NEK10: variants seen among roughly 807,000 people sequenced by gnomAD.
The protein encoded by NEK10 is serine/threonine-protein kinase Nek10.
A neutral mutation model predicts 159.8 loss-of-function variants in NEK10; 122 were observed. That is an observed-to-expected ratio of 0.76 (90% CI 0.66 to 0.89). The LOEUF is 0.89. NEK10 is among the 40% of genes least tolerant of loss of function. The pLI is 0.00. For synonymous variants in NEK10, 466 were observed against 457.1 expected (o/e 1.02, Z -0.25); for missense variants, 1,342 against 1,323.1 (o/e 1.01, Z -0.22).
At chr3:27,317,959 C>T (rs563336105) in intron 6 of NEK10, among the ~76,000 whole-genome samples, 2 of 152,126 alleles carry the variant, frequency 1.3e-5, no homozygotes, top group South Asian at 2.1e-4. Flanking sequence ...CCCGCCACCA[C>T]GCCCGGCTAA....
At chr3:27,320,497 C>G (rs6783818) in intron 6 of NEK10, among the ~76,000 whole-genome samples, 23,363 of 152,186 alleles carry the variant, frequency 0.15, 2,030 homozygotes, top group Non-Finnish European at 0.2. Context: ...TAAGTGGGAA[C>G]AGTAAGCACA....
rs529380931 is a variant in NEK10 at position 27,219,409 on chromosome 3, G to A, written c.2091-16852C>T. Reference sequence around the variant, plus strand: ...CTGTGTGTGACAAATGGTGAGTCAAGTCCTCTTGCTTGAAGACTAGTTATC... The same window carrying A: ...CTGTGTGTGACAAATGGTGAGTCAAATCCTCTTGCTTGAAGACTAGTTATC... On this transcript the variant is annotated intron_variant, in intron 23 of 35. Coordinates refer to ENST00000691995, the MANE Select transcript of NEK10 (RefSeq NM_001394966.1). Among the ~76,000 whole-genome samples, 8 of 152,344 alleles carry A rather than the reference G, an allele frequency of 5.3e-5. No homozygotes were observed. In the South Asian group the frequency reaches 1.4e-3, roughly 28 times the overall value.
At chr3:27,243,661 A>T (rs1008873829) in intron 23 of NEK10, among the ~76,000 whole-genome samples, 2 of 152,174 alleles carry the variant, frequency 1.3e-5, no homozygotes, top group East Asian at 1.9e-4. Flanking sequence ...CATTTATTAC[A>T]TAGAAAACAG....
At chr3:27,119,714 T>C (rs1416582088) in intron 33 of NEK10, 46 bp downstream of exon 33, 1 of 1,400,142 alleles carries the variant, frequency 7.1e-7, no homozygotes, top group African/African-American at 1.4e-5. Context: ...ATCCAAACAA[T>C]ATATTTCTTC....
At chr3:27,192,271 T>C in intron 25 of NEK10, 29 bp from the exon 26 acceptor site, 1 of 1,557,694 alleles carries the variant, frequency 6.4e-7, no homozygotes, top group Non-Finnish European at 8.9e-7. Flanking sequence ...ATTATAACAC[T>C]CTGGTCAATG....
chr3:27,183,740 G>C (rs1948357675), intron 26 of NEK10, among the ~76,000 whole-genome samples: 1 of 152,004 alleles, frequency 6.6e-6, no homozygotes, highest in Admixed American at 6.6e-5. Flanking sequence ...AACAAAAACA[G>C]ACAAGTAATC....
At chr3:27,141,674 G>T in intron 30 of NEK10, 92 bp from the exon 31 acceptor site, 1 of 893,266 alleles carries the variant, frequency 1.1e-6, no homozygotes, top group Non-Finnish European at 1.8e-6. Context: ...AAATTTTAAA[G>T]CAAAGACTTC....
chr3:27,166,381 T>TTTTGTTTG (rs745390447), intron 29 of NEK10, among the ~76,000 whole-genome samples: 5 of 152,056 alleles, frequency 3.3e-5, no homozygotes, highest in African/African-American at 4.8e-5. Flanking sequence ...CTATGTGTTT[T>TTTTGTTTG]TTTGTTTGTT....
At chr3:27,127,779 G>A (rs560379480) in intron 32 of NEK10, among the ~76,000 whole-genome samples, 2 of 151,996 alleles carry the variant, frequency 1.3e-5, no homozygotes, top group African/African-American at 2.4e-5. Context: ...TTTAAGTCAG[G>A]AAGAAATAAT....
intron 32 of NEK10, among the ~76,000 whole-genome samples, 160 bp downstream of exon 32, chr3:27,131,720 A>T (rs889993272): frequency 2.6e-5 from 4 of 152,206 alleles, no homozygotes; most frequent in Non-Finnish European, 5.9e-5. Context: ...AAATAGAGAA[A>T]ATCAGAAGCA....
intron 32 of NEK10, among the ~76,000 whole-genome samples, chr3:27,129,887 AG>A (rs1413018549): frequency 6.6e-6 from 1 of 151,344 alleles, no homozygotes; most frequent in Non-Finnish European, 1.5e-5. Context: ...AAATTAAGAA[AG>A]GTTTTTTTTT....
chr3:27,293,543 G>T, intron 16 of NEK10, 45 bp downstream of exon 16: 2 of 1,004,752 alleles, frequency 2.0e-6, no homozygotes, highest in South Asian at 1.5e-5. Flanking sequence ...TCAATCTAAT[G>T]ATCTCCTAAA....
Position 27,106,850 on chromosome 3 carries a change from T to C in NEK10, c.*4422A>G, listed in dbSNP as rs1307740487. On this transcript the variant is annotated 3_prime_UTR_variant, in exon 36 of 36. Coordinates refer to ENST00000691995, the MANE Select transcript of NEK10 (RefSeq NM_001394966.1). ...TAATCCTCCATACATAAAGACAAAA[T>C]TCTATCTTTGTTTAGGAGAAAGAAA... 6.6e-6 allele frequency among the ~76,000 whole-genome samples: 1 copy of C among 152,194 alleles called. No individual in the cohort carries two copies. Among genetic ancestry groups the C allele is most frequent in the East Asian group, 1.9e-4 (1 of 5,194 alleles).
intron 8 of NEK10, chr3:27,311,891 C>T (rs570511587): frequency 1.2e-4 from 60 of 492,020 alleles, no homozygotes; most frequent in African/African-American, 1.1e-3. Context: ...ATAAATTGTG[C>T]TTTTCAAGGT....
At chr3:27,225,931 T>C (rs1219027182) in intron 23 of NEK10, among the ~76,000 whole-genome samples, 1 of 152,182 alleles carries the variant, frequency 6.6e-6, no homozygotes, top group African/African-American at 2.4e-5. Context: ...CCCCCAGATA[T>C]AGGAAATGAG....
chr3:27,168,394 T>C (rs2148848892), intron 29 of NEK10, among the ~76,000 whole-genome samples: 1 of 152,306 alleles, frequency 6.6e-6, no homozygotes, highest in Non-Finnish European at 1.5e-5. Flanking sequence ...TGGGTTCACA[T>C]TTCACATTAA....
intron 32 of NEK10, among the ~76,000 whole-genome samples, chr3:27,126,405 A>G (rs185065117): frequency 6.6e-6 from 1 of 152,312 alleles, no homozygotes; most frequent in Admixed American, 6.5e-5. Context: ...GAAATGCAGA[A>G]TATTGGGTCC....
At chr3:27,349,767 T>C (rs1183642942) in intron 3 of NEK10, among the ~76,000 whole-genome samples, 1 of 152,170 alleles carries the variant, frequency 6.6e-6, no homozygotes, top group Non-Finnish European at 1.5e-5. Context: ...TAGTTTCACT[T>C]TGCCTCAGTA....
chr3:27,350,919 AG>A (rs905866301), intron 3 of NEK10, among the ~76,000 whole-genome samples: 78 of 152,094 alleles, frequency 5.1e-4, no homozygotes, highest in Admixed American at 1.4e-3. Flanking sequence ...CCATTTCTCA[AG>A]TCACAATTCA....
Sources: gnomAD v4.1 joint callset for allele counts (sites outside exome capture counted in the v4.1 genomes callset) on GRCh38, gnomAD v4.1.1 for gene constraint, MANE v1.5 for transcripts, NCBI Gene and HGNC (gene_info 2026-07-23, HGNC 2026-07-21) for gene names.